The following ALDH1A2 variants were observed in gnomAD, a reference collection of about 807,000 sequenced individuals.
The protein encoded by ALDH1A2 is retinal dehydrogenase 2.
A neutral mutation model predicts 60.3 loss-of-function variants in ALDH1A2; 27 were observed. That is an observed-to-expected ratio of 0.45 (90% CI 0.33 to 0.62). The LOEUF is 0.62. Ranked by LOEUF, ALDH1A2 falls within the 20% of genes least tolerant of loss-of-function variation. ALDH1A2 has a pLI of 0.02. For missense variants in ALDH1A2, 581 were observed against 643.8 expected (o/e 0.90, Z 1.06); for synonymous variants, 289 against 232.4 (o/e 1.24, Z -2.21).
intron 7 of ALDH1A2, among the ~76,000 whole-genome samples, chr15:57,990,020 A>T (rs1382838710): frequency 6.7e-6 from 1 of 148,314 alleles, no homozygotes; most frequent in African/African-American, 2.6e-5. Flanking sequence ...AAAAAAAAAA[A>T]ATGACAGGAA....
At chr15:58,002,847 A>G (rs1895319979) in intron 4 of ALDH1A2, among the ~76,000 whole-genome samples, 1 of 151,884 alleles carries the variant, frequency 6.6e-6, no homozygotes, top group African/African-American at 2.4e-5. Flanking sequence ...AGATGATTAC[A>G]TTGAACTATT....
intron 7 of ALDH1A2, among the ~76,000 whole-genome samples, chr15:57,989,011 A>C (rs79638000): frequency 2.2e-5 from 1 of 44,446 alleles, no homozygotes; most frequent in East Asian, 4.0e-4. Context: ...TACTTAAGAT[A>C]AAAAAAATTA....
chr15:58,053,560 T>G (rs1267488355), intron 1 of ALDH1A2, among the ~76,000 whole-genome samples: 5 of 152,198 alleles, frequency 3.3e-5, no homozygotes, highest in Admixed American at 2.6e-4. Context: ...CCCCTATTTA[T>G]GCATACATGC....
chr15:57,996,298 CCTCTCTCT>C (rs35255029), intron 4 of ALDH1A2, among the ~76,000 whole-genome samples: 8 of 144,862 alleles, frequency 5.5e-5, no homozygotes, highest in Admixed American at 2.8e-4. Flanking sequence ...AAAGTCTTGG[CCTCTCTCT>C]CTCTCTCTCT....
chr15:58,017,643 A>G (rs1895822078), intron 1 of ALDH1A2, among the ~76,000 whole-genome samples: 1 of 152,176 alleles, frequency 6.6e-6, no homozygotes, highest in Non-Finnish European at 1.5e-5. Flanking sequence ...TTCATATACG[A>G]CAGCTCATGA....
At chr15:58,016,233 C>T (rs565041833) in intron 1 of ALDH1A2, among the ~76,000 whole-genome samples, 84 of 151,906 alleles carry the variant, frequency 5.5e-4, no homozygotes, top group African/African-American at 1.9e-3. Context: ...ACCTCTGCCG[C>T]CCGGGGTTCA....
At chr15:58,011,641 A>G (rs1473142747) in intron 3 of ALDH1A2, among the ~76,000 whole-genome samples, 2 of 152,200 alleles carry the variant, frequency 1.3e-5, no homozygotes, top group Non-Finnish European at 2.9e-5. Context: ...TCTCTGACAA[A>G]GCTAAAATTA....
intron 1 of ALDH1A2, among the ~76,000 whole-genome samples, chr15:58,016,441 A>G (rs1452792181): frequency 1.3e-5 from 2 of 152,074 alleles, no homozygotes; most frequent in African/African-American, 4.8e-5. Flanking sequence ...CCCGGCCCCA[A>G]GTTCAGTTTT....
intron 12 of ALDH1A2, among the ~76,000 whole-genome samples, chr15:57,959,073 G>A (rs1184143086): frequency 1.3e-5 from 2 of 152,174 alleles, no homozygotes; most frequent in Admixed American, 1.3e-4. Flanking sequence ...CTCAGCTAAT[G>A]TAACAAGTGT....
In ALDH1A2 at chr15:58,014,270, G is replaced by A. The variant is rs367554059; in HGVS notation, c.129C>T (p.Asn43=). 3 of 1,613,672 alleles carry A rather than the reference G, an allele frequency of 1.9e-6. No homozygotes were observed. Among genetic ancestry groups the A allele is most frequent in the African/African-American group, 2.7e-5 (2 of 74,922 alleles). Residue 43 remains asparagine (N), a synonymous_variant, in exon 2 of 13, where the codon AAC becomes AAT. Transcript: ENST00000249750. ...CACTCTCTGAGTTCTGCCACTCGTT[G>A]TTTATAAAGATCTAAGGGAGTAGAT... ...LEIKYTKIFI[N]NEWQNSESGR...
intron 1 of ALDH1A2, among the ~76,000 whole-genome samples, chr15:58,036,969 C>T (rs962494524): frequency 6.6e-6 from 1 of 151,672 alleles, no homozygotes; most frequent in Non-Finnish European, 1.5e-5. Context: ...CTGATCAGCC[C>T]TTCTTTAACT....
rs1399458244 is a variant in ALDH1A2 at position 58,013,897 on chromosome 15, C to T, written c.324G>A (p.Lys108=). The part of the protein sequence containing the change: ...DASERGRLLD[K]LADLVERDRA... The stretch of plus-strand genomic sequence containing the variant: ...TGTCCCGTTCCACCAAGTCTGCAAG[C>T]TTATCCAACAGACGTCCCCTTTCTG... Residue 108 remains lysine, a synonymous_variant, in exon 3 of 13, where the codon AAG becomes AAA. Coordinates refer to ENST00000249750, the MANE Select transcript of ALDH1A2 (RefSeq NM_003888.4). 7 of 1,614,070 alleles carry T rather than the reference C, an allele frequency of 4.3e-6. No homozygotes were observed. The highest frequency in any genetic ancestry group is 5.9e-6 in the Non-Finnish European group (7 of 1,180,030).
At chr15:58,019,488 C>G (rs1895868036) in intron 1 of ALDH1A2, among the ~76,000 whole-genome samples, 3 of 152,160 alleles carry the variant, frequency 2.0e-5, no homozygotes, top group South Asian at 2.1e-4. Context: ...GTATCTGACC[C>G]TAAGTTACTG....
intron 7 of ALDH1A2, among the ~76,000 whole-genome samples, chr15:57,987,504 A>G (rs1402480219): frequency 2.0e-5 from 3 of 152,210 alleles, no homozygotes; most frequent in East Asian, 1.9e-4. Flanking sequence ...TGCCAGAATG[A>G]TATCTTTGAA....
chr15:57,987,830 AGCCTGAG>A (rs1158620815), intron 7 of ALDH1A2, among the ~76,000 whole-genome samples: 1 of 149,564 alleles, frequency 6.7e-6, no homozygotes, highest in Non-Finnish European at 1.5e-5. Context: ...GCTTGCAGTG[AGCCTGAG>A]CAACTACTGC....
chr15:57,968,942 T>A (rs1893978136), intron 7 of ALDH1A2, among the ~76,000 whole-genome samples: 1 of 152,262 alleles, frequency 6.6e-6, no homozygotes, highest in South Asian at 2.1e-4. Context: ...CTTGCATCAA[T>A]GCTTTACCAG....
intron 4 of ALDH1A2, among the ~76,000 whole-genome samples, chr15:58,000,502 T>A (rs1307863253): frequency 1.3e-5 from 2 of 152,010 alleles, no homozygotes; most frequent in Non-Finnish European, 2.9e-5. Context: ...TCTGTTAAAT[T>A]AACTCACCTG....
intron 1 of ALDH1A2, among the ~76,000 whole-genome samples, chr15:58,049,527 A>G (rs1237274424): frequency 2.0e-5 from 3 of 152,236 alleles, no homozygotes; most frequent in African/African-American, 7.2e-5. Flanking sequence ...TTAAAAAGCT[A>G]GTCACTCCTT....
chr15:58,060,717 G>C (rs1162298025), intron 1 of ALDH1A2, among the ~76,000 whole-genome samples: 2 of 152,166 alleles, frequency 1.3e-5, no homozygotes, highest in Non-Finnish European at 2.9e-5. Flanking sequence ...GCCGCAGACA[G>C]TATATAATTG....
Sources: gnomAD v4.1 joint callset for allele counts (sites outside exome capture counted in the v4.1 genomes callset) on GRCh38, gnomAD v4.1.1 for gene constraint, MANE v1.5 for transcripts, NCBI Gene and HGNC (gene_info 2026-07-23, HGNC 2026-07-21) for gene names.